Variants in FOXP1 observed in about 807,000 individuals in gnomAD.
The protein encoded by FOXP1 is forkhead box protein P1.
In FOXP1, 15 loss-of-function variants were observed where a neutral mutation model predicts 98.2. The ratio of observed to expected loss-of-function variants is 0.15; its 90% CI spans 0.10 to 0.24. The LOEUF is 0.24. Ranked by LOEUF, FOXP1 falls within the 10% of genes least tolerant of loss-of-function variation. FOXP1 has a pLI of 1.00. For synonymous variants in FOXP1, 371 were observed against 314.5 expected (o/e 1.18, Z -1.90); for missense variants, 633 against 848.5 (o/e 0.75, Z 3.15).
chr3:71,323,157 G>C (rs770702578), intron 4 of FOXP1, among the ~76,000 whole-genome samples: 2 of 152,008 alleles, frequency 1.3e-5, no homozygotes, highest in African/African-American at 2.4e-5. Flanking sequence ...TTTTAGTAGA[G>C]ATGGGGTTTC....
intron 3 of FOXP1, among the ~76,000 whole-genome samples, chr3:71,369,560 A>G (rs1157318579): frequency 6.6e-6 from 1 of 152,000 alleles, no homozygotes; most frequent in Non-Finnish European, 1.5e-5. Flanking sequence ...ATGCCCAGCT[A>G]ATTTTGGTAT....
intron 9 of FOXP1, among the ~76,000 whole-genome samples, chr3:71,049,285 C>A (rs2049497876): frequency 6.6e-6 from 1 of 152,122 alleles, no homozygotes; most frequent in East Asian, 1.9e-4. Flanking sequence ...GGACAAACGG[C>A]CCTTTTAAAA....
intron 6 of FOXP1, among the ~76,000 whole-genome samples, chr3:71,182,366 T>C (rs1348401929): frequency 6.6e-6 from 1 of 152,164 alleles, no homozygotes; most frequent in Non-Finnish European, 1.5e-5. Context: ...ATATATATCA[T>C]TTTTATATAT....
At chr3:71,401,762 G>A (rs981987762) in intron 3 of FOXP1, among the ~76,000 whole-genome samples, 6 of 152,246 alleles carry the variant, frequency 3.9e-5, no homozygotes, top group South Asian at 2.1e-4. Flanking sequence ...AACTAAAGAC[G>A]AGGCTCTCCC....
chr3:71,070,370 C>T (rs758625024), intron 7 of FOXP1, among the ~76,000 whole-genome samples: 36 of 152,170 alleles, frequency 2.4e-4, no homozygotes, highest in Non-Finnish European at 4.9e-4. Context: ...CCGGGGAGAG[C>T]ATGTCGGCGC....
intron 5 of FOXP1, among the ~76,000 whole-genome samples, chr3:71,232,068 G>A (rs1483976745): frequency 6.6e-6 from 1 of 152,210 alleles, no homozygotes; most frequent in Non-Finnish European, 1.5e-5. Flanking sequence ...TCTCTTGTCA[G>A]GTCACATCTG....
At chr3:71,349,573 A>T (rs2077638248) in intron 4 of FOXP1, among the ~76,000 whole-genome samples, 1 of 152,200 alleles carries the variant, frequency 6.6e-6, no homozygotes, top group Non-Finnish European at 1.5e-5. Context: ...ATGTGAAATT[A>T]AAGTTTTTTG....
chr3:71,194,261 C>CAAAAAAAA (rs11445848), intron 6 of FOXP1, among the ~76,000 whole-genome samples: 1 of 113,760 alleles, frequency 8.8e-6, no homozygotes. Flanking sequence ...CAGGTGGTAC[C>CAAAAAAAA]AAAAAAAAAA....
rs1230464030 is a variant in FOXP1 at position 71,126,871 on chromosome 3, C to CAA, written c.181-14236_181-14235dup. On this transcript the variant is annotated intron_variant, in intron 6 of 20. Transcript: ENST00000649528. ...AACCAAAAAGAAAAAAAAAAACAAA[C>CAA]AAAAAAAAAAAACAAAAACAAAAAA... Among the ~76,000 whole-genome samples, 166 of 77,158 alleles carry CAA rather than the reference C, an allele frequency of 2.2e-3. 6 individuals carry two copies. The highest frequency in any genetic ancestry group is 0.018 in the Admixed American group (144 of 7,912). 50.6% of individuals were successfully genotyped at this position (77,158 alleles called of 152,430 possible).
chr3:70,985,380 C>A lies in FOXP1; in HGVS notation c.1146+2614G>T, dbSNP rs1016514479. The stretch of plus-strand genomic sequence containing the variant: ...ATCAAGGGTTTGCTGTATGTGTGTG[C>A]CCTTTTTTTTTTCTTTTTGGCAAAG... On this transcript the variant is annotated intron_variant, in intron 14 of 20. Transcript: ENST00000649528. Among the ~76,000 whole-genome samples the A allele has an allele frequency of 2.4e-4, 36 of 151,562 alleles. 1 individual carries two copies.
chr3:71,085,477 A>G (rs935075722), intron 7 of FOXP1, among the ~76,000 whole-genome samples: 11 of 151,774 alleles, frequency 7.2e-5, no homozygotes, highest in Admixed American at 4.6e-4. Context: ...ACTTCACCCC[A>G]TTAATATTTA....
intron 5 of FOXP1, among the ~76,000 whole-genome samples, chr3:71,214,930 C>T (rs2064807253): frequency 1.3e-5 from 2 of 152,218 alleles, no homozygotes; most frequent in Non-Finnish European, 2.9e-5. Flanking sequence ...AAGTGATCAA[C>T]CTGTGCACTG....
chr3:71,222,022 G>A (rs1057129725), intron 5 of FOXP1, among the ~76,000 whole-genome samples: 5 of 152,166 alleles, frequency 3.3e-5, no homozygotes, highest in African/African-American at 4.8e-5. Flanking sequence ...GCATGGTGGC[G>A]TGCGCCAGTA....
chr3:71,395,773 T>C (rs2081334655), intron 3 of FOXP1, among the ~76,000 whole-genome samples: 1 of 152,180 alleles, frequency 6.6e-6, no homozygotes. Context: ...GAATGAATCA[T>C]ATCCCACATC....
chr3:70,956,393 A>AGAT lies in FOXP1; in HGVS notation c.*2851_*2853dup, dbSNP rs1357668466. The AGAT allele has an allele frequency of 4.3e-6, 1 of 231,846 alleles. No individual in the cohort carries two copies. Among genetic ancestry groups the AGAT allele is most frequent in the Non-Finnish European group, 8.5e-6 (1 of 117,194 alleles). The allele number at this position is 231,846 out of a possible 1,614,324, so 14.4% of individuals were successfully genotyped here. On this transcript the variant is annotated 3_prime_UTR_variant, in exon 21 of 21. Coordinates refer to ENST00000649528, the MANE Select transcript of FOXP1 (RefSeq NM_001349338.3). ...TTCTGCAAGGCTGTGATACCTGCAA[A>AGAT]GATATGTAAAATCTAATTTTTCTTT... is the stretch of plus-strand genomic sequence containing the variant.
chr3:70,963,071 AAAAC>A (rs1356506267), intron 20 of FOXP1, among the ~76,000 whole-genome samples: 29 of 152,374 alleles, frequency 1.9e-4, no homozygotes, highest in African/African-American at 6.7e-4. Context: ...TAGAAGTGAA[AAAAC>A]AAATAAACAA....
At chr3:71,277,504 T>C (rs1470145784) in intron 5 of FOXP1, among the ~76,000 whole-genome samples, 1 of 152,162 alleles carries the variant, frequency 6.6e-6, no homozygotes, top group African/African-American at 2.4e-5. Context: ...CTGTCCACTA[T>C]CGACACCACA....
chr3:71,365,695 G>A (rs1057224011), intron 3 of FOXP1, among the ~76,000 whole-genome samples: 2 of 152,162 alleles, frequency 1.3e-5, no homozygotes, highest in Non-Finnish European at 2.9e-5. Context: ...GGATTTAAAG[G>A]ATGTTCCGGC....
chr3:71,208,969 G>A (rs1402257985), intron 5 of FOXP1, among the ~76,000 whole-genome samples: 9 of 152,122 alleles, frequency 5.9e-5, no homozygotes, highest in Non-Finnish European at 1.0e-4. Context: ...GACCAAGCCT[G>A]CTTGTTTGCA....
Sources: gnomAD v4.1 joint callset for allele counts (sites outside exome capture counted in the v4.1 genomes callset) on GRCh38, gnomAD v4.1.1 for gene constraint, MANE v1.5 for transcripts, NCBI Gene and HGNC (gene_info 2026-07-23, HGNC 2026-07-21) for gene names.